The following VSNL1 variants were observed in gnomAD, a reference collection of about 807,000 sequenced individuals.
VSNL1 encodes visinin like 1, also known as visinin-like protein 1.
A neutral mutation model predicts 20.4 loss-of-function variants in VSNL1; 6 were observed. The ratio of observed to expected loss-of-function variants is 0.29; its 90% confidence interval spans 0.16 to 0.58. VSNL1 has a LOEUF of 0.58. Among genes scored for constraint, VSNL1 ranks in the 20% least tolerant of loss-of-function variants. The pLI, the probability that VSNL1 is intolerant of heterozygous loss-of-function variation, is 0.90. For synonymous variants in VSNL1, 93 were observed against 86.4 expected (o/e 1.08, Z -0.42); for missense variants, 100 against 234.5 (o/e 0.43, Z 3.75).
At chr2:17,571,546 C>T (rs79549849) in intron 1 of VSNL1, among the ~76,000 whole-genome samples, 3,209 of 152,158 alleles carry the variant, frequency 0.021, 131 homozygotes, top group African/African-American at 0.073. Context: ...ATCAAGATAG[C>T]CTATTTTTAA....
intron 2 of VSNL1, among the ~76,000 whole-genome samples, chr2:17,606,361 G>T (rs1426120505): frequency 1.3e-5 from 2 of 152,224 alleles, no homozygotes; most frequent in Non-Finnish European, 2.9e-5. Context: ...GCACTGTCCA[G>T]CTGTTTGGCT....
intron 1 of VSNL1, among the ~76,000 whole-genome samples, chr2:17,577,814 G>A (rs1664253087): frequency 6.6e-6 from 1 of 152,170 alleles, no homozygotes; most frequent in Non-Finnish European, 1.5e-5. Flanking sequence ...TGGAAATAAC[G>A]GTTTTTGTCA....
intron 1 of VSNL1, chr2:17,567,638 G>A (rs988880140): frequency 6.6e-6 from 1 of 152,192 alleles, no homozygotes. Context: ...GGGATTACAG[G>A]CGTGAGCCAC....
In VSNL1 at chr2:17,622,296, G is replaced by A. The variant is rs565745360; in HGVS notation, c.163-27114G>A. On this transcript the variant is annotated intron_variant, in intron 2 of 3. Coordinates refer to ENST00000295156, the MANE Select transcript of VSNL1 (RefSeq NM_003385.5). ...TGGGAGCCCTTGAGGTCAGGAGCTCGAGACCAGCCTGGCCAACATGGTGAA... is the reference window on the plus strand; with the variant it reads ...TGGGAGCCCTTGAGGTCAGGAGCTCAAGACCAGCCTGGCCAACATGGTGAA... 6.6e-5 allele frequency among the ~76,000 whole-genome samples: 10 copies of A among 151,154 alleles called. No homozygotes were observed. The South Asian group carries it at 1.9e-3, about 28-fold the overall frequency.
chr2:17,576,336 G>T (rs1216757379), intron 1 of VSNL1, among the ~76,000 whole-genome samples: 1 of 152,154 alleles, frequency 6.6e-6, no homozygotes. Context: ...TATAGTGCTA[G>T]AGTTTCTACT....
chr2:17,543,461 G>C (rs1339767030), intron 1 of VSNL1, among the ~76,000 whole-genome samples: 1 of 152,200 alleles, frequency 6.6e-6, no homozygotes, highest in African/African-American at 2.4e-5. Context: ...ACTTCGTGGA[G>C]TGAGGAAGCT....
intron 1 of VSNL1, among the ~76,000 whole-genome samples, chr2:17,569,487 C>G (rs1664031600): frequency 6.6e-6 from 1 of 151,952 alleles, no homozygotes; most frequent in Non-Finnish European, 1.5e-5. Flanking sequence ...CTCCTACTCT[C>G]TGTCTTATCT....
chr2:17,651,256 T>C (rs1029424983), intron 3 of VSNL1, among the ~76,000 whole-genome samples: 3 of 152,212 alleles, frequency 2.0e-5, no homozygotes, highest in African/African-American at 7.2e-5. Context: ...GTTGACTTTA[T>C]TACTGCTTGC....
chr2:17,582,607 A>G (rs1322980648), intron 1 of VSNL1, among the ~76,000 whole-genome samples: 4 of 152,122 alleles, frequency 2.6e-5, no homozygotes, highest in African/African-American at 9.7e-5. Context: ...CACGAAATAG[A>G]GAAGTTCAGA....
chr2:17,649,619 C>T lies in VSNL1; in HGVS notation c.372C>T (p.Ile124=). 1 of 1,614,016 alleles carries T rather than the reference C, an allele frequency of 6.2e-7. No homozygotes were observed. The highest frequency in any genetic ancestry group is 8.5e-7 in the Non-Finnish European group (1 of 1,179,994). ...GKITRVEMLE[I]IEAIYKMVGT... The stretch of plus-strand genomic sequence containing the variant: ...TCACCCGAGTGGAGATGCTGGAGAT[C>T]ATCGAGGTGAGGCCCGGGGTGTGGT... Residue 124 remains isoleucine, a synonymous_variant, in exon 3 of 4, where the codon ATC becomes ATT. Coordinates refer to ENST00000295156, the MANE Select transcript of VSNL1 (RefSeq NM_003385.5). The surrounding 1 kb of genome is among the most constrained non-coding windows in gnomAD (Gnocchi z 6.4).
rs141825301 is a variant in VSNL1 at position 17,594,578 on chromosome 2, A to G, written c.162+2342A>G. Among the ~76,000 whole-genome samples the G allele has an allele frequency of 1.1e-3, 164 of 152,348 alleles. 3 individuals are homozygous for G. In the East Asian group the frequency reaches 0.024, roughly 22 times the overall value. Reference sequence around the variant, plus strand: ...CAAGACACGGTCATTATCCTGGTGAATGGGCACATTCAGTGATTCCTTCTA... The same window carrying G: ...CAAGACACGGTCATTATCCTGGTGAGTGGGCACATTCAGTGATTCCTTCTA... On this transcript the variant is annotated intron_variant, in intron 2 of 3. Coordinates refer to ENST00000295156, the MANE Select transcript of VSNL1 (RefSeq NM_003385.5).
At position 17,598,960 on chromosome 2, in the gene VSNL1, A is replaced by G. The variant is rs775203101; in HGVS notation, c.162+6724A>G. ...TGACTGATTCATTTATGGCCCACCA[A>G]TCAAGCTTTATTTTGTCTATAGCTC... On this transcript the variant is annotated intron_variant, in intron 2 of 3. Coordinates refer to ENST00000295156, the MANE Select transcript of VSNL1 (RefSeq NM_003385.5). 2.0e-5 allele frequency among the ~76,000 whole-genome samples: 3 copies of G among 152,230 alleles called. No homozygotes were observed. In the South Asian group the frequency reaches 6.2e-4, roughly 31 times the overall value.
chr2:17,553,344 CA>C (rs1306994988), intron 1 of VSNL1, among the ~76,000 whole-genome samples: 4 of 152,104 alleles, frequency 2.6e-5, no homozygotes, highest in African/African-American at 9.7e-5. Flanking sequence ...GAAATTATCT[CA>C]AATTCAGAAA....
At chr2:17,642,222 C>T (rs989295372) in intron 2 of VSNL1, among the ~76,000 whole-genome samples, 5 of 151,552 alleles carry the variant, frequency 3.3e-5, no homozygotes, top group African/African-American at 1.2e-4. Context: ...GAGCCTTATT[C>T]GAGAGCAGTA....
intron 2 of VSNL1, among the ~76,000 whole-genome samples, chr2:17,643,862 G>C (rs188811683): frequency 2.6e-5 from 4 of 152,290 alleles, no homozygotes; most frequent in Non-Finnish European, 4.4e-5. Context: ...GGCAGGGGAG[G>C]GAGAGCCAGC....
chr2:17,641,176 T>TA (rs1665875237), intron 2 of VSNL1, among the ~76,000 whole-genome samples: 1 of 152,230 alleles, frequency 6.6e-6, no homozygotes, highest in South Asian at 2.1e-4. Flanking sequence ...CGATCTTGGA[T>TA]AGACCACTTT....
chr2:17,651,142 C>G (rs1666113465), intron 3 of VSNL1, among the ~76,000 whole-genome samples: 1 of 152,134 alleles, frequency 6.6e-6, no homozygotes, highest in Admixed American at 6.5e-5. Flanking sequence ...CTTGTCATTT[C>G]CCCTCATTGG....
intron 1 of VSNL1, among the ~76,000 whole-genome samples, chr2:17,573,781 T>C (rs899439616): frequency 1.3e-5 from 2 of 152,230 alleles, no homozygotes; most frequent in African/African-American, 4.8e-5. Context: ...ATATTGGATT[T>C]GGAATCAGGA....
At chr2:17,625,493 T>C (rs116728587) in intron 2 of VSNL1, among the ~76,000 whole-genome samples, 301 of 152,366 alleles carry the variant, frequency 2.0e-3, no homozygotes, top group African/African-American at 6.9e-3. Flanking sequence ...GACAGCATCT[T>C]GGCAAGATTC....
Sources: gnomAD v4.1 joint callset for allele counts (sites outside exome capture counted in the v4.1 genomes callset) on GRCh38, gnomAD v4.1.1 for gene constraint, Gnocchi (gnomAD v3.1) non-coding constraint, MANE v1.5 for transcripts, NCBI Gene and HGNC (gene_info 2026-07-23, HGNC 2026-07-21) for gene names.